Variants in HS3ST4 observed in about 807,000 individuals in gnomAD.
The protein encoded by HS3ST4 is heparan sulfate-glucosamine 3-sulfotransferase 4, also known as heparan sulfate glucosamine 3-O-sulfotransferase 4.
In HS3ST4, 17 loss-of-function variants were observed where a neutral mutation model predicts 29.2. The ratio of observed to expected loss-of-function variants is 0.58; its 90% CI spans 0.40 to 0.87. The LOEUF (loss-of-function observed/expected upper bound fraction) is 0.87, where lower values mean the gene tolerates loss of function less well. HS3ST4 is among the 40% of genes least tolerant of loss of function. The pLI is 0.00. For synonymous variants in HS3ST4, 314 were observed against 285.7 expected (o/e 1.10, Z -1.00); for missense variants, 627 against 634.5 (o/e 0.99, Z 0.13).
At chr16:25,900,627 C>G (rs149506069) in intron 1 of HS3ST4, among the ~76,000 whole-genome samples, 1 of 152,046 alleles carries the variant, frequency 6.6e-6, no homozygotes, top group Non-Finnish European at 1.5e-5. Context: ...TGTTATTGCT[C>G]CCTTATTACC....
At chr16:25,794,928 CACACACACACAT>C (rs1376717397) in intron 1 of HS3ST4, among the ~76,000 whole-genome samples, 3 of 104,054 alleles carry the variant, frequency 2.9e-5, no homozygotes, top group Non-Finnish European at 4.3e-5. Context: ...CACACACACA[CACACACACACAT>C]ATATATTCAT....
chr16:26,046,181 C>G (rs113005828), intron 1 of HS3ST4, among the ~76,000 whole-genome samples: 1 of 134,268 alleles, frequency 7.4e-6, no homozygotes, highest in Non-Finnish European at 1.5e-5. Flanking sequence ...GACAGAGTAT[C>G]GCTCTATCGC....
At chr16:25,849,926 T>A (rs1234158407) in intron 1 of HS3ST4, among the ~76,000 whole-genome samples, 1 of 152,162 alleles carries the variant, frequency 6.6e-6, no homozygotes, top group East Asian at 1.9e-4. Context: ...AATTTAATTT[T>A]ATTCTCTTTT....
intron 1 of HS3ST4, among the ~76,000 whole-genome samples, chr16:26,066,655 T>G (rs1457699622): frequency 6.6e-6 from 1 of 152,160 alleles, no homozygotes; most frequent in Non-Finnish European, 1.5e-5. Context: ...GCAGCTGCAG[T>G]GTTGAGACAC....
chr16:26,053,325 T>A (rs1019829121), intron 1 of HS3ST4, among the ~76,000 whole-genome samples: 2 of 152,222 alleles, frequency 1.3e-5, no homozygotes, highest in African/African-American at 4.8e-5. Flanking sequence ...TTGGAAAAGC[T>A]AATTAATGTT....
intron 1 of HS3ST4, among the ~76,000 whole-genome samples, chr16:25,999,781 TTA>T (rs1969190032): frequency 1.4e-5 from 2 of 139,166 alleles, no homozygotes; most frequent in Admixed American, 7.8e-5. Context: ...TTTATATATA[TTA>T]TATATATTTT....
At chr16:25,885,966 C>G (rs934149587) in intron 1 of HS3ST4, among the ~76,000 whole-genome samples, 1 of 143,902 alleles carries the variant, frequency 6.9e-6, no homozygotes, top group South Asian at 2.3e-4. Context: ...TAGACTTTCT[C>G]TTTTTTAAGT....
chr16:25,853,984 T>C (rs1032000150), intron 1 of HS3ST4, among the ~76,000 whole-genome samples: 20 of 152,190 alleles, frequency 1.3e-4, no homozygotes, highest in Admixed American at 1.3e-4. Flanking sequence ...TAACTTATCA[T>C]TGTTGAGAGG....
intron 1 of HS3ST4, among the ~76,000 whole-genome samples, chr16:25,776,200 T>A (rs1206439861): frequency 6.6e-6 from 1 of 152,110 alleles, no homozygotes; most frequent in East Asian, 1.9e-4. Flanking sequence ...CCTCAAATGC[T>A]TGACTCAGTC....
Position 25,919,797 on chromosome 16 carries a change from T to A in HS3ST4, c.735-215815T>A, listed in dbSNP as rs531657121. Among the ~76,000 whole-genome samples, 11 of 152,298 alleles carry A rather than the reference T, an allele frequency of 7.2e-5. No individual in the cohort carries two copies. The South Asian group carries it at 2.1e-3, about 29-fold the overall frequency. On this transcript the variant is annotated intron_variant, in intron 1 of 1. Coordinates refer to ENST00000331351, the MANE Select transcript of HS3ST4 (RefSeq NM_006040.3). ...GGTGGAATAAATGGGGTCTTAAACA[T>A]GTCCTGTGGAGTTGGAAATAATGCT...
intron 1 of HS3ST4, among the ~76,000 whole-genome samples, chr16:26,015,597 C>A (rs965563203): frequency 2.6e-5 from 4 of 152,190 alleles, no homozygotes; most frequent in Non-Finnish European, 5.9e-5. Flanking sequence ...GTTAGACTAA[C>A]ATGGGAGTCA....
chr16:25,925,653 T>C (rs1968395135), intron 1 of HS3ST4, among the ~76,000 whole-genome samples: 1 of 152,158 alleles, frequency 6.6e-6, no homozygotes, highest in African/African-American at 2.4e-5. Flanking sequence ...AACACTTCAC[T>C]CCACTCTCAT....
intron 1 of HS3ST4, among the ~76,000 whole-genome samples, chr16:25,908,076 A>G (rs1244109168): frequency 6.6e-6 from 1 of 152,204 alleles, no homozygotes; most frequent in Non-Finnish European, 1.5e-5. Flanking sequence ...GGGAGAATGA[A>G]TCATAGGTGT....
At chr16:25,809,325 G>A (rs1967019244) in intron 1 of HS3ST4, among the ~76,000 whole-genome samples, 1 of 152,086 alleles carries the variant, frequency 6.6e-6, no homozygotes, top group South Asian at 2.1e-4. Flanking sequence ...AAAATCATTA[G>A]CTTGCTGATA....
intron 1 of HS3ST4, among the ~76,000 whole-genome samples, chr16:25,895,532 A>G (rs1968053221): frequency 6.6e-6 from 1 of 151,912 alleles, no homozygotes; most frequent in Non-Finnish European, 1.5e-5. Flanking sequence ...ACTGGAGCCG[A>G]GACTGTGGCT....
chr16:25,692,627 C>A lies in HS3ST4; in HGVS notation c.210C>A (p.Gly70=). Residue 70 remains glycine, a synonymous_variant, in exon 1 of 2, where the codon GGC becomes GGA. Transcript: ENST00000331351. ...QFPLALQESP[G]AAAEPPPSPP... ...CTCTGGCGCTGCAGGAGTCGCCGGG[C>A]GCCGCCGCCGAGCCCCCGCCGAGCC... The A allele has an allele frequency of 6.6e-6, 9 of 1,368,588 alleles. No individual in the cohort carries two copies. The highest frequency in any genetic ancestry group is 8.6e-6 in the Non-Finnish European group (9 of 1,050,964). 84.8% of individuals were successfully genotyped at this position (1,368,588 alleles called of 1,614,324 possible).
At chr16:25,755,538 G>T (rs944163995) in intron 1 of HS3ST4, among the ~76,000 whole-genome samples, 1 of 152,186 alleles carries the variant, frequency 6.6e-6, no homozygotes, top group Non-Finnish European at 1.5e-5. Flanking sequence ...TAGATCATGT[G>T]GTTCTAGGTC....
chr16:25,883,803 TA>T lies in HS3ST4; in HGVS notation c.734+190654del, dbSNP rs369601402. Among the ~76,000 whole-genome samples the T allele has an allele frequency of 3.7e-3, 561 of 152,294 alleles. 6 individuals are homozygous for T. Among genetic ancestry groups the T allele is most frequent in the African/African-American group, 0.013 (536 of 41,570 alleles). On this transcript the variant is annotated intron_variant, in intron 1 of 1. Coordinates refer to ENST00000331351, the MANE Select transcript of HS3ST4 (RefSeq NM_006040.3). ...ACTTCAACAAGATTAGTCTTATTAT[TA>T]ACTAGTGATGCTATTAAGAATCCAG...
intron 1 of HS3ST4, among the ~76,000 whole-genome samples, chr16:26,048,345 A>G (rs1241494572): frequency 1.3e-5 from 2 of 152,254 alleles, no homozygotes; most frequent in African/African-American, 4.8e-5. Context: ...AAGTGGCAAC[A>G]TGAGAAAGGA....
Sources: allele counts gnomAD v4.1 joint callset (sites outside exome capture counted in the v4.1 genomes callset), GRCh38; gene constraint gnomAD v4.1.1; transcripts MANE v1.5; gene names NCBI Gene and HGNC (gene_info 2026-07-23, HGNC 2026-07-21).